PTPRZ1: variants seen among roughly 807,000 people sequenced by gnomAD.
The protein encoded by PTPRZ1 is protein tyrosine phosphatase receptor type Z1, also known as receptor-type tyrosine-protein phosphatase zeta.
Under a neutral mutation model 214.1 loss-of-function variants are expected in PTPRZ1, and 82 were observed. The observed-to-expected ratio is 0.38, with a 90% confidence interval of 0.32 to 0.46. The LOEUF is 0.46. Ranked by LOEUF, PTPRZ1 falls within the 20% of genes least tolerant of loss-of-function variation. The probability of loss-of-function intolerance (pLI) is 1.00; values close to 1 mark genes in which losing one functional copy is unlikely to be tolerated. For synonymous variants in PTPRZ1, 945 were observed against 987.9 expected, an observed-to-expected ratio of 0.96 and a Z score of 0.81; for missense variants, 2,603 against 2,748.7, an observed-to-expected ratio of 0.95 and a Z score of 1.19.
intron 1 of PTPRZ1, among the ~76,000 whole-genome samples, chr7:121,892,707 T>TATATATATAC (rs1794677253): frequency 9.9e-6 from 1 of 101,010 alleles, no homozygotes; most frequent in Non-Finnish European, 2.1e-5. Context: ...TATATATATA[T>TATATATATAC]ATATATATAT....
intron 1 of PTPRZ1, among the ~76,000 whole-genome samples, chr7:121,892,265 G>T (rs967782957): frequency 5.3e-5 from 8 of 151,918 alleles, no homozygotes; most frequent in African/African-American, 1.7e-4. Flanking sequence ...AAATTATTTG[G>T]TTACAACGTT....
intron 1 of PTPRZ1, among the ~76,000 whole-genome samples, chr7:121,898,578 A>C (rs1264629194): frequency 6.6e-6 from 1 of 152,104 alleles, no homozygotes. Flanking sequence ...AATAATGCCA[A>C]CTTCATGTAT....
chr7:122,036,256 A>G (rs1799530106), intron 17 of PTPRZ1, among the ~76,000 whole-genome samples: 1 of 152,166 alleles, frequency 6.6e-6, no homozygotes, highest in Admixed American at 6.5e-5. Context: ...TTAAAATTCC[A>G]TTTAAAAGAC....
intron 8 of PTPRZ1, among the ~76,000 whole-genome samples, chr7:121,995,783 A>G (rs553157388): frequency 1.3e-5 from 2 of 152,316 alleles, no homozygotes; most frequent in South Asian, 2.1e-4. Context: ...GGATTGTCTA[A>G]TAACAAAATG....
intron 2 of PTPRZ1, among the ~76,000 whole-genome samples, chr7:121,955,449 G>GTTTA (rs1215415157): frequency 6.6e-6 from 1 of 152,014 alleles, no homozygotes; most frequent in African/African-American, 2.4e-5. Flanking sequence ...TTGTTTGTTT[G>GTTTA]TTTGTTTGTT....
rs1400642321 is a variant in PTPRZ1, at chr7:122,013,114, T to A, written c.4068T>A (p.Ala1356=). The A allele has an allele frequency of 6.2e-7, 1 of 1,614,080 alleles. No individual in the cohort carries two copies. The highest frequency in any genetic ancestry group is 1.1e-5 in the South Asian group (1 of 91,088). The change falls in exon 12 of 30, where the codon GCT becomes GCA. Residue 1356 remains alanine (A), a synonymous_variant. Transcript: ENST00000393386. ...GKVFAGIPTV[A]SDTFVSTDHS... ...TATTTGCTGGTATTCCAACAGTTGC[T>A]TCTGATACATTTGTATCTACTGATC...
intron 2 of PTPRZ1, among the ~76,000 whole-genome samples, chr7:121,943,234 A>G (rs1407875647): frequency 6.6e-6 from 1 of 152,248 alleles, no homozygotes; most frequent in African/African-American, 2.4e-5. Context: ...CTTATTTGGA[A>G]TATTCTTAAA....
intron 17 of PTPRZ1, among the ~76,000 whole-genome samples, chr7:122,036,125 C>T (rs1156904223): frequency 1.3e-5 from 2 of 152,156 alleles, no homozygotes; most frequent in East Asian, 3.9e-4. Context: ...GCTTTCTTCT[C>T]TATCTCTTCT....
At chr7:122,051,778 G>A in intron 24 of PTPRZ1, 88 bp from the exon 25 acceptor site, 1 of 1,214,778 alleles carries the variant, frequency 8.2e-7, no homozygotes, top group Non-Finnish European at 1.2e-6. Context: ...CATCTGGCAT[G>A]GGGAAAAGAT....
chr7:122,056,267 A>T (rs562567751), intron 27 of PTPRZ1, among the ~76,000 whole-genome samples: 1 of 151,862 alleles, frequency 6.6e-6, no homozygotes, highest in Admixed American at 6.6e-5. Context: ...CATGTTTAAT[A>T]TCTTGCTCAG....
chr7:121,938,782 A>G (rs1482956081), intron 2 of PTPRZ1, among the ~76,000 whole-genome samples: 2 of 152,304 alleles, frequency 1.3e-5, no homozygotes, highest in South Asian at 2.1e-4. Context: ...CCTGGTTTTC[A>G]ATGGGGAGAA....
At chr7:121,884,446 A>C (rs3801377) in intron 1 of PTPRZ1, among the ~76,000 whole-genome samples, 26,076 of 152,042 alleles carry the variant, frequency 0.17, 2,551 homozygotes, top group East Asian at 0.34. Context: ...TTTATTTTGA[A>C]TGTTAAAAGA....
At chr7:122,052,634 G>A (rs1020803619) in intron 25 of PTPRZ1, among the ~76,000 whole-genome samples, 2 of 152,188 alleles carry the variant, frequency 1.3e-5, no homozygotes, top group Non-Finnish European at 2.9e-5. Context: ...GAGCCACTGG[G>A]TGATAGGAAT....
chr7:121,940,978 AC>A (rs1563028426), intron 2 of PTPRZ1, among the ~76,000 whole-genome samples: 1 of 152,158 alleles, frequency 6.6e-6, no homozygotes, highest in Non-Finnish European at 1.5e-5. Context: ...CAGACTATGC[AC>A]CTTCTTCAAG....
At chr7:121,903,083 A>G (rs1051171159) in intron 1 of PTPRZ1, among the ~76,000 whole-genome samples, 2 of 152,100 alleles carry the variant, frequency 1.3e-5, no homozygotes, top group African/African-American at 2.4e-5. Flanking sequence ...GACTGCTGGG[A>G]ATATAGAGGA....
intron 6 of PTPRZ1, among the ~76,000 whole-genome samples, chr7:121,982,989 G>A (rs934643597): frequency 6.6e-6 from 1 of 152,082 alleles, no homozygotes; most frequent in Non-Finnish European, 1.5e-5. Flanking sequence ...GTGTTAGCCA[G>A]GATGGTCTCG....
chr7:122,020,511 G>T (rs530741812), intron 13 of PTPRZ1, among the ~76,000 whole-genome samples: 1 of 152,248 alleles, frequency 6.6e-6, no homozygotes, highest in East Asian at 1.9e-4. Flanking sequence ...GACACAGCAG[G>T]TGCAAAGATC....
intron 21 of PTPRZ1, among the ~76,000 whole-genome samples, chr7:122,041,500 A>T (rs766951642): frequency 1.4e-5 from 2 of 148,052 alleles, no homozygotes; most frequent in Admixed American, 6.6e-5. Context: ...TTAATACATT[A>T]CATTGAATGT....
At chr7:122,052,951 A>G (rs1360245614) in intron 25 of PTPRZ1, among the ~76,000 whole-genome samples, 1 of 152,166 alleles carries the variant, frequency 6.6e-6, no homozygotes, top group Non-Finnish European at 1.5e-5. Context: ...GCTGATAGCT[A>G]CCATTCTCAG....
Sources: gnomAD v4.1 joint callset for allele counts (sites outside exome capture counted in the v4.1 genomes callset) on GRCh38, gnomAD v4.1.1 for gene constraint, MANE v1.5 for transcripts, NCBI Gene and HGNC (gene_info 2026-07-23, HGNC 2026-07-21) for gene names.